The following CSGALNACT1 variants were observed in gnomAD, a reference collection of about 807,000 sequenced individuals.
The protein encoded by CSGALNACT1 is beta4GalNAcT-1.
CSGALNACT1 carries 52 observed loss-of-function variants against 51.0 expected under a neutral mutation model. The observed-to-expected ratio is 1.02, with a 90% confidence interval of 0.82 to 1.29. The LOEUF (loss-of-function observed/expected upper bound fraction) is 1.29. Ranked by LOEUF, CSGALNACT1 falls within the 50% of genes most tolerant of loss-of-function variation. The probability of loss-of-function intolerance (pLI) is 0.00; values close to 1 mark genes in which losing one functional copy is unlikely to be tolerated. For missense variants in CSGALNACT1, 935 were observed against 679.2 expected, an observed-to-expected ratio of 1.38 and a Z score of -4.19; for synonymous variants, 341 against 254.4, an observed-to-expected ratio of 1.34 and a Z score of -3.24.
intron 1 of CSGALNACT1, among the ~76,000 whole-genome samples, chr8:19,729,833 G>A (rs1357693264): frequency 6.6e-6 from 1 of 152,002 alleles, no homozygotes; most frequent in Admixed American, 6.6e-5. Flanking sequence ...GCAGTTAGAA[G>A]GAAGAGCTGA....
chr8:19,457,050 A>T (rs757292519), intron 5 of CSGALNACT1, among the ~76,000 whole-genome samples: 1 of 152,246 alleles, frequency 6.6e-6, no homozygotes, highest in Non-Finnish European at 1.5e-5. Context: ...ACAAAGCAGC[A>T]GCTTGACTAG....
rs1430731223 is a variant in CSGALNACT1 at position 19,757,370 on chromosome 8, G to T, written c.-297+480C>A. 1.3e-5 allele frequency: 2 copies of T among 151,428 alleles called. No homozygotes were observed. The highest frequency in any genetic ancestry group is 4.8e-5 in the African/African-American group (2 of 41,250). 9.4% of individuals were successfully genotyped at this position (151,428 alleles called of 1,614,324 possible). A position where few individuals can be genotyped will look rare whatever the true frequency, so the allele number is the denominator to read the frequency against. On this transcript the variant is annotated intron_variant, in intron 1 of 1. Coordinates refer to the CSGALNACT1 transcript ENST00000517494. This position sits in a 1 kb window ranked among gnomAD's most constrained non-coding sequence, Gnocchi z 4.0. ...GGCTCGGGCGGGCGGGCGCAACAGC[G>T]GCCAAGCCTGGCGCCCCGCCGCAGG...
At chr8:19,660,259 G>A (rs114870448) in intron 1 of CSGALNACT1, among the ~76,000 whole-genome samples, 1,965 of 152,312 alleles carry the variant, frequency 0.013, 49 homozygotes, top group African/African-American at 0.045. Flanking sequence ...AAAAAGATGA[G>A]AGGATGGAGC....
In CSGALNACT1 at chr8:19,674,831, GA is replaced by G. The variant is rs201451104; in HGVS notation, c.-544+7641del. ...AGTTGTCTGGTTGTAGATATATTTT[GA>G]AAAAAAAAATCATAAGTAGCTAATG... is the stretch of plus-strand genomic sequence containing the variant. On this transcript the variant is annotated intron_variant, in intron 1 of 9. Coordinates refer to the CSGALNACT1 transcript ENST00000332246. 6.9e-3 allele frequency among the ~76,000 whole-genome samples: 1,031 copies of G among 149,430 alleles called. 13 individuals are homozygous for G. The highest frequency in any genetic ancestry group is 0.024 in the African/African-American group (964 of 40,770).
chr8:19,409,348 G>A (rs1311016670), intron 8 of CSGALNACT1, among the ~76,000 whole-genome samples: 1 of 152,148 alleles, frequency 6.6e-6, no homozygotes, highest in Non-Finnish European at 1.5e-5. Context: ...AAACCAAACT[G>A]CTCCCAAAAG....
chr8:19,620,371 T>G (rs1461770671), intron 1 of CSGALNACT1, among the ~76,000 whole-genome samples: 2 of 140,154 alleles, frequency 1.4e-5, no homozygotes, highest in African/African-American at 5.3e-5. Context: ...CTACAACGAG[T>G]ACTCATTAAA....
At chr8:19,725,140 C>T (rs2063328410) in intron 1 of CSGALNACT1, among the ~76,000 whole-genome samples, 1 of 152,240 alleles carries the variant, frequency 6.6e-6, no homozygotes, top group South Asian at 2.1e-4. Flanking sequence ...GAAGTAAGCA[C>T]CGAGTCTCCC....
chr8:19,618,072 T>C, intron 1 of CSGALNACT1, among the ~76,000 whole-genome samples: 1 of 151,312 alleles, frequency 6.6e-6, no homozygotes, highest in African/African-American at 2.4e-5. Flanking sequence ...AGAGATGGGG[T>C]TTCACTACAT....
intron 6 of CSGALNACT1, among the ~76,000 whole-genome samples, chr8:19,428,532 G>A (rs1250039867): frequency 2.0e-5 from 3 of 152,134 alleles, no homozygotes; most frequent in African/African-American, 7.2e-5. Context: ...CAACACGTGG[G>A]AATTACGGGA....
At chr8:19,613,209 C>G (rs984494504) in intron 1 of CSGALNACT1, among the ~76,000 whole-genome samples, 1 of 152,080 alleles carries the variant, frequency 6.6e-6, no homozygotes, top group Non-Finnish European at 1.5e-5. Context: ...TATTTCTATT[C>G]TGTATTTTAC....
At chr8:19,453,447 A>G (rs1387046971) in intron 5 of CSGALNACT1, among the ~76,000 whole-genome samples, 1 of 152,226 alleles carries the variant, frequency 6.6e-6, no homozygotes, top group Non-Finnish European at 1.5e-5. Context: ...TGTTAAAAAA[A>G]CAGAGATGCT....
At chr8:19,496,929 C>A (rs146446787) in intron 4 of CSGALNACT1, among the ~76,000 whole-genome samples, 1 of 152,092 alleles carries the variant, frequency 6.6e-6, no homozygotes, top group Non-Finnish European at 1.5e-5. Flanking sequence ...GTGCAGCCGG[C>A]GGGAGGGGAC....
chr8:19,436,272 C>T (rs1415634367), intron 6 of CSGALNACT1, among the ~76,000 whole-genome samples: 1 of 152,182 alleles, frequency 6.6e-6, no homozygotes, highest in African/African-American at 2.4e-5. Context: ...AATCTTACTA[C>T]TTTCAACTAA....
chr8:19,567,513 A>C (rs1588449288), intron 3 of CSGALNACT1, among the ~76,000 whole-genome samples: 1 of 152,232 alleles, frequency 6.6e-6, no homozygotes, highest in African/African-American at 2.4e-5. Flanking sequence ...CAACAACTCT[A>C]CCATAGACAT....
At chr8:19,539,777 A>T (rs7829133) in intron 3 of CSGALNACT1, among the ~76,000 whole-genome samples, 3,583 of 152,142 alleles carry the variant, frequency 0.024, 128 homozygotes, top group African/African-American at 0.082. Context: ...GTGATTCTCC[A>T]CCCCCTTCCA....
intron 1 of CSGALNACT1, among the ~76,000 whole-genome samples, chr8:19,705,807 T>G (rs2062128348): frequency 6.6e-6 from 1 of 152,190 alleles, no homozygotes; most frequent in South Asian, 2.1e-4. Flanking sequence ...TATGAATAGA[T>G]GTTTAATATA....
At chr8:19,574,795 G>T (rs1055151030) in intron 3 of CSGALNACT1, among the ~76,000 whole-genome samples, 2 of 152,142 alleles carry the variant, frequency 1.3e-5, no homozygotes, top group African/African-American at 2.4e-5. Flanking sequence ...ACTTTGGGAG[G>T]CTGAAACGGG....
chr8:19,470,454 A>C (rs776948102), intron 4 of CSGALNACT1, among the ~76,000 whole-genome samples: 1 of 152,164 alleles, frequency 6.6e-6, no homozygotes. Context: ...ACGCGCATTC[A>C]GTGACTTCTC....
At chr8:19,458,448 G>A (rs758294544) in exon 5 of CSGALNACT1, 29 of 1,613,986 alleles carry the variant, frequency 1.8e-5, no homozygotes, top group South Asian at 5.5e-5. Context: ...ATGAACTGCC[G>A]GAACTTGTCC....
Sources: allele counts gnomAD v4.1 joint callset (sites outside exome capture counted in the v4.1 genomes callset), GRCh38; gene constraint gnomAD v4.1.1; non-coding constraint Gnocchi (gnomAD v3.1); transcripts MANE v1.5; gene names NCBI Gene and HGNC (gene_info 2026-07-23, HGNC 2026-07-21).